The following SRGAP1 variants were observed in gnomAD, a reference collection of about 807,000 sequenced individuals.
SRGAP1 encodes the protein SLIT-ROBO Rho GTPase-activating protein 1.
Under a neutral mutation model 121.9 loss-of-function variants are expected in SRGAP1, and 43 were observed. The ratio of observed to expected loss-of-function variants is 0.35; its 90% CI spans 0.28 to 0.46. The LOEUF is 0.46. Among genes scored for constraint, SRGAP1 ranks in the 20% least tolerant of loss-of-function variants. SRGAP1 has a pLI of 1.00. For synonymous variants in SRGAP1, 447 were observed against 485.4 expected, an observed-to-expected ratio of 0.92 and a Z score of 1.04; for missense variants, 1,102 against 1,350.9, an observed-to-expected ratio of 0.82 and a Z score of 2.89.
intron 1 of SRGAP1, among the ~76,000 whole-genome samples, chr12:63,876,953 G>T (rs1025141383): frequency 6.6e-6 from 1 of 152,212 alleles, no homozygotes; most frequent in Non-Finnish European, 1.5e-5. Context: ...GCCAGGTGCT[G>T]TGGCTCATGC....
chr12:64,146,701 T>C lies in SRGAP1; in HGVS notation c.*4029T>C, dbSNP rs2136660108. 6.6e-6 allele frequency: 1 copy of C among 152,098 alleles called. No individual in the cohort carries two copies. The highest frequency in any genetic ancestry group is 2.1e-4 in the South Asian group (1 of 4,798). The allele number at this position is 152,098 out of a possible 1,614,324, so 9.4% of individuals were successfully genotyped here. On this transcript the variant is annotated 3_prime_UTR_variant, in exon 22 of 22. Coordinates refer to ENST00000355086, the MANE Select transcript of SRGAP1 (RefSeq NM_020762.4). ...CCTGAGACACAGAGCAGCTTAGAAG[T>C]CTCTACCCAGGCGTAAATAGAGCTC...
At chr12:64,036,413 G>GACTA (rs1271357884) in intron 4 of SRGAP1, among the ~76,000 whole-genome samples, 1 of 152,140 alleles carries the variant, frequency 6.6e-6, no homozygotes, top group Non-Finnish European at 1.5e-5. Flanking sequence ...GCTACAGTTA[G>GACTA]AGTCCTCTTA....
intron 3 of SRGAP1, among the ~76,000 whole-genome samples, chr12:63,994,670 T>C (rs933294171): frequency 1.3e-5 from 2 of 152,234 alleles, no homozygotes; most frequent in African/African-American, 4.8e-5. Flanking sequence ...GAGAGTACTC[T>C]GCTTTTAACC....
chr12:64,043,382 T>C, intron 5 of SRGAP1, 65 bp from the exon 6 acceptor site: 2 of 1,492,080 alleles, frequency 1.3e-6, no homozygotes, highest in South Asian at 2.6e-5. Context: ...TGCATGTATG[T>C]TTCTCTGTCT....
chr12:64,056,597 T>C (rs987410004), intron 6 of SRGAP1, among the ~76,000 whole-genome samples: 2 of 148,572 alleles, frequency 1.3e-5, no homozygotes, highest in African/African-American at 5.0e-5. Flanking sequence ...ATAAATCAGA[T>C]ATATCAATTC....
chr12:64,141,271 A>T, intron 21 of SRGAP1, among the ~76,000 whole-genome samples: 1 of 106,816 alleles, frequency 9.4e-6, no homozygotes, highest in East Asian at 3.2e-4. Context: ...TTAAAGTATA[A>T]TAAAAAAAAA....
intron 1 of SRGAP1, among the ~76,000 whole-genome samples, chr12:63,976,315 G>A (rs1353907866): frequency 6.6e-6 from 1 of 152,038 alleles, no homozygotes; most frequent in Non-Finnish European, 1.5e-5. Context: ...CAATTGAGAA[G>A]TACTTGTTAT....
intron 6 of SRGAP1, among the ~76,000 whole-genome samples, chr12:64,049,680 T>G (rs1235393825): frequency 6.6e-6 from 1 of 152,214 alleles, no homozygotes; most frequent in Non-Finnish European, 1.5e-5. Context: ...ACGAGTTCAC[T>G]GTAGATGTAT....
chr12:64,010,079 C>CCT (rs754071236), intron 3 of SRGAP1, among the ~76,000 whole-genome samples: 36 of 152,116 alleles, frequency 2.4e-4, no homozygotes, highest in Non-Finnish European at 4.0e-4. Context: ...GGAAGTATGG[C>CCT]CTGATCCCTT....
intron 8 of SRGAP1, among the ~76,000 whole-genome samples, chr12:64,072,106 C>CTGTGTGTGTGTGTGTGTGTGTG (rs1212999220): frequency 2.6e-5 from 1 of 37,770 alleles, no homozygotes; most frequent in African/African-American, 6.8e-5. Context: ...CCCAATCTCT[C>CTGTGTGTGTGTGTGTGTGTGTG]TCTGTGTGTG....
intron 10 of SRGAP1, chr12:64,080,829 G>T: frequency 5.0e-6 from 1 of 198,502 alleles, no homozygotes; most frequent in Non-Finnish European, 1.0e-5. Flanking sequence ...ACCAGTTTGG[G>T]TGATTTTTTT....
At chr12:63,967,433 C>T (rs1180229110) in intron 1 of SRGAP1, among the ~76,000 whole-genome samples, 21 of 152,186 alleles carry the variant, frequency 1.4e-4, no homozygotes, top group Admixed American at 1.4e-3. Context: ...CAGAGCGAGA[C>T]CCTGTCTCAA....
At chr12:64,066,229 C>A (rs2035537977) in intron 8 of SRGAP1, among the ~76,000 whole-genome samples, 1 of 152,190 alleles carries the variant, frequency 6.6e-6, no homozygotes, top group Admixed American at 6.5e-5. Flanking sequence ...AGACGCAGAA[C>A]TATGTGGTCC....
At chr12:63,910,413 T>C (rs2030436795) in intron 1 of SRGAP1, among the ~76,000 whole-genome samples, 1 of 152,216 alleles carries the variant, frequency 6.6e-6, no homozygotes. Context: ...TGATCTATAA[T>C]CTGCTATTGT....
At chr12:63,993,173 AG>A (rs958545294) in intron 3 of SRGAP1, among the ~76,000 whole-genome samples, 32 of 152,162 alleles carry the variant, frequency 2.1e-4, no homozygotes, top group African/African-American at 7.7e-4. Flanking sequence ...AAAGAATTCC[AG>A]GTCCCTTTAG....
In SRGAP1 at chr12:64,149,053, C is replaced by G. The variant is rs1159807514; in HGVS notation, c.*6381C>G. 1 of 152,138 alleles carries G rather than the reference C, an allele frequency of 6.6e-6. No individual in the cohort carries two copies. Among genetic ancestry groups the G allele is most frequent in the Non-Finnish European group, 1.5e-5 (1 of 68,024 alleles). The allele number at this position is 152,138 out of a possible 1,614,324, so 9.4% of individuals were successfully genotyped here. A position where few individuals can be genotyped will look rare whatever the true frequency, so the allele number is the denominator to read the frequency against. ...AATAGTGGTTTTTCCATTTTTACTG[C>G]TATATAGAATTCCATTACATGAATA... On this transcript the variant is annotated 3_prime_UTR_variant, in exon 22 of 22. Transcript: ENST00000355086.
At chr12:64,100,765 G>A (rs1297884286) in intron 15 of SRGAP1, among the ~76,000 whole-genome samples, 1 of 152,028 alleles carries the variant, frequency 6.6e-6, no homozygotes, top group Non-Finnish European at 1.5e-5. Context: ...AGGATTCTTG[G>A]ATGTTATTAT....
intron 18 of SRGAP1, among the ~76,000 whole-genome samples, chr12:64,119,880 C>T (rs1385832263): frequency 4.7e-5 from 7 of 149,632 alleles, no homozygotes; most frequent in African/African-American, 7.4e-5. Flanking sequence ...AAGTGATTCT[C>T]CTGCCTCAGC....
chr12:64,139,770 C>A (rs2036927054), intron 21 of SRGAP1, among the ~76,000 whole-genome samples: 1 of 151,972 alleles, frequency 6.6e-6, no homozygotes, highest in Non-Finnish European at 1.5e-5. Flanking sequence ...TCAATTTTGT[C>A]TTTTGTTGCC....
Sources: gnomAD v4.1 joint callset for allele counts (sites outside exome capture counted in the v4.1 genomes callset) on GRCh38, gnomAD v4.1.1 for gene constraint, MANE v1.5 for transcripts, NCBI Gene and HGNC (gene_info 2026-07-23, HGNC 2026-07-21) for gene names.